LOXL2: variants seen among roughly 807,000 people sequenced by gnomAD.
The protein encoded by LOXL2 is lysyl oxidase homolog 2.
A neutral mutation model predicts 93.0 loss-of-function variants in LOXL2; 70 were observed. The observed-to-expected ratio is 0.75, with a 90% CI of 0.62 to 0.92. LOXL2 has a LOEUF of 0.92. Among genes scored for constraint, LOXL2 ranks in the 40% least tolerant of loss-of-function variants. The probability of loss-of-function intolerance (pLI) is 0.00; values close to 1 mark genes in which losing one functional copy is unlikely to be tolerated. For missense variants in LOXL2, 973 were observed against 1,054.9 expected (o/e 0.92, Z 1.08); for synonymous variants, 438 against 413.2 (o/e 1.06, Z -0.73).
chr8:23,352,015 G>A (rs942756547), intron 3 of LOXL2, among the ~76,000 whole-genome samples: 2 of 151,766 alleles, frequency 1.3e-5, no homozygotes, highest in Non-Finnish European at 2.9e-5. Flanking sequence ...GTCTCGTCAC[G>A]TTGGCCAGGC....
intron 1 of LOXL2, among the ~76,000 whole-genome samples, chr8:23,376,751 T>C (rs1011518794): frequency 1.3e-5 from 2 of 152,240 alleles, no homozygotes; most frequent in African/African-American, 4.8e-5. Context: ...TATTCTCTGA[T>C]GGTTGTTTGT....
intron 2 of LOXL2, among the ~76,000 whole-genome samples, chr8:23,360,615 G>A (rs1460792404): frequency 6.6e-6 from 1 of 152,160 alleles, no homozygotes; most frequent in African/African-American, 2.4e-5. Flanking sequence ...CCTTGGTCAA[G>A]GGCCCTTTTT....
chr8:23,389,631 C>T (rs932034230), intron 1 of LOXL2, among the ~76,000 whole-genome samples: 9 of 152,090 alleles, frequency 5.9e-5, no homozygotes, highest in African/African-American at 1.7e-4. Flanking sequence ...AAGGGGAAAA[C>T]ACATTGTAAA....
Position 23,309,892 on chromosome 8 carries a change from G to A in LOXL2, c.1656C>T (p.Leu552=), listed in dbSNP as rs1253259183. 1.3e-6 allele frequency: 2 copies of A among 1,537,748 alleles called. No individual in the cohort carries two copies. Among genetic ancestry groups the A allele is most frequent in the East Asian group, 2.5e-5 (1 of 40,214 alleles). Residue 552 remains leucine, a synonymous_variant, in exon 10 of 14, where the codon CTC becomes CTT. Transcript: ENST00000389131. ...ACSETAPDLV[L]NAEMVQQTTY... ...TGGTCTGCTGCACCATCTCCGCATT[G>A]AGGACCAGGTCAGGGGCGGCTGCGG...
In LOXL2 at chr8:23,360,290, A is replaced by G. The variant is rs1278195547; in HGVS notation, c.356-25T>C. On this transcript the variant is annotated intron_variant, in intron 2 of 13. Coordinates refer to ENST00000389131, the MANE Select transcript of LOXL2 (RefSeq NM_002318.3). Reference sequence around the variant, plus strand: ...CCTGAAGGAGGCAGAGAGGAGAGAAACCAAGTGCTGCGTCAATGCAGGTCT... The same window carrying G: ...CCTGAAGGAGGCAGAGAGGAGAGAAGCCAAGTGCTGCGTCAATGCAGGTCT... 2.6e-6 allele frequency: 4 copies of G among 1,566,900 alleles called. No individual in the cohort carries two copies. The Admixed American group carries it at 7.0e-5, about 28-fold the overall frequency.
At chr8:23,320,076 G>A (rs374109391) in intron 7 of LOXL2, 24 bp from the exon 8 acceptor site, 85 of 1,611,970 alleles carry the variant, frequency 5.3e-5, no homozygotes, top group Admixed American at 4.8e-4. Context: ...GGCAGGCCAC[G>A]GTCACCAAGA....
intron 11 of LOXL2, 131 bp downstream of exon 11, chr8:23,303,151 G>C: frequency 1.5e-6 from 1 of 688,626 alleles, no homozygotes; most frequent in Non-Finnish European, 2.6e-6. Context: ...GGAAGGTCCA[G>C]GTGGGGAAAG....
intron 4 of LOXL2, among the ~76,000 whole-genome samples, chr8:23,340,474 C>T (rs116579197): frequency 8.5e-5 from 13 of 152,332 alleles, no homozygotes; most frequent in African/African-American, 3.1e-4. Flanking sequence ...GCGATCATCA[C>T]AGTATTGTCA....
In LOXL2 at chr8:23,360,385, GCCAT is replaced by G. The variant is rs1167467782; in HGVS notation, c.356-124_356-121del. 4 of 667,382 alleles carry G rather than the reference GCCAT, an allele frequency of 6.0e-6. No homozygotes were observed. The Admixed American group carries it at 8.7e-5, about 15-fold the overall frequency. The allele number at this position is 667,382 out of a possible 1,614,324, so 41.3% of individuals were successfully genotyped here. ...TCTCTAATTTTGGCAGCTGTGTGTG[GCCAT>G]CCATTTTTATTATATTAAGATATTG... is the stretch of plus-strand genomic sequence containing the variant. On this transcript the variant is annotated intron_variant, in intron 2 of 13. Coordinates refer to ENST00000389131, the MANE Select transcript of LOXL2 (RefSeq NM_002318.3).
At chr8:23,399,735 A>AAC in intron 1 of LOXL2, among the ~76,000 whole-genome samples, 1 of 152,204 alleles carries the variant, frequency 6.6e-6, no homozygotes, top group Admixed American at 6.5e-5. Flanking sequence ...AATGGACTAA[A>AAC]ACACCTCCTA....
intron 3 of LOXL2, among the ~76,000 whole-genome samples, chr8:23,355,809 A>T (rs997907162): frequency 5.9e-5 from 9 of 151,702 alleles, no homozygotes; most frequent in African/African-American, 2.2e-4. Flanking sequence ...CGGTCTTGCC[A>T]TATTGCCCAG....
Position 23,368,399 on chromosome 8 carries a change from G to A in LOXL2, c.-48C>T, listed in dbSNP as rs1189462460. 1 of 1,533,896 alleles carries A rather than the reference G, an allele frequency of 6.5e-7. No homozygotes were observed. Among genetic ancestry groups the A allele is most frequent in the Non-Finnish European group, 9.0e-7 (1 of 1,117,088 alleles). ...CCACGAAGGGGCCCTGCGCAGCTGG[G>A]AGGGACAGGCGGGGTACAGAAGCAG... is the stretch of plus-strand genomic sequence containing the variant. On this transcript the variant is annotated 5_prime_UTR_variant, in exon 2 of 14. Coordinates refer to ENST00000389131, the MANE Select transcript of LOXL2 (RefSeq NM_002318.3).
chr8:23,368,365 C>G lies in LOXL2; in HGVS notation c.-14G>C. The G allele has an allele frequency of 6.2e-7, 1 of 1,605,476 alleles. No homozygotes were observed. The highest frequency in any genetic ancestry group is 8.5e-7 in the Non-Finnish European group (1 of 1,176,698). On this transcript the variant is annotated 5_prime_UTR_variant, in exon 2 of 14. Transcript: ENST00000389131. ...AGGCCTCTCCATCCCTGTCTTCGGG[C>G]TGATGATCCCACGAAGGGGCCCTGC...
intron 5 of LOXL2, among the ~76,000 whole-genome samples, chr8:23,329,556 G>A (rs76248903): frequency 6.6e-6 from 1 of 152,180 alleles, no homozygotes; most frequent in Admixed American, 6.5e-5. Flanking sequence ...GTGTGTGTAA[G>A]CTCACCTGCA....
At chr8:23,366,542 C>G (rs773254068) in intron 2 of LOXL2, among the ~76,000 whole-genome samples, 1 of 152,150 alleles carries the variant, frequency 6.6e-6, no homozygotes, top group East Asian at 1.9e-4. Context: ...CCAAAAGAGA[C>G]AGAGTCCTGG....
At position 23,356,697 on chromosome 8, in the gene LOXL2, G is replaced by A. The variant is rs943227829; in HGVS notation, c.531+3393C>T. Among the ~76,000 whole-genome samples, 8 of 152,158 alleles carry A rather than the reference G, an allele frequency of 5.3e-5. 1 individual carries two copies. Among genetic ancestry groups the A allele is most frequent in the Admixed American group, 1.3e-4 (2 of 15,270 alleles). Reference sequence around the variant, plus strand: ...GGGCCAGAAAGCGTCCCCCTGGCTCGTGGTCACCAGCCTGATCTGTCTGAC... The same window carrying A: ...GGGCCAGAAAGCGTCCCCCTGGCTCATGGTCACCAGCCTGATCTGTCTGAC... On this transcript the variant is annotated intron_variant, in intron 3 of 13. Coordinates refer to ENST00000389131, the MANE Select transcript of LOXL2 (RefSeq NM_002318.3).
chr8:23,301,219 G>A (rs950742990), intron 12 of LOXL2, among the ~76,000 whole-genome samples: 3 of 152,232 alleles, frequency 2.0e-5, no homozygotes, highest in Non-Finnish European at 4.4e-5. Context: ...GGGTGAGGAC[G>A]TAGGAGAGAG....
intron 1 of LOXL2, among the ~76,000 whole-genome samples, chr8:23,390,037 G>A (rs1051225575): frequency 2.0e-5 from 3 of 152,184 alleles, no homozygotes; most frequent in Non-Finnish European, 4.4e-5. Flanking sequence ...AGAATGTTCC[G>A]CTTGACATTT....
At chr8:23,338,423 G>A (rs1803830630) in intron 4 of LOXL2, among the ~76,000 whole-genome samples, 1 of 152,090 alleles carries the variant, frequency 6.6e-6, no homozygotes, top group African/African-American at 2.4e-5. Context: ...AGCGGGGTGG[G>A]GGGGCCCAAG....
Sources: allele counts gnomAD v4.1 joint callset (sites outside exome capture counted in the v4.1 genomes callset), GRCh38; gene constraint gnomAD v4.1.1; transcripts MANE v1.5; gene names NCBI Gene and HGNC (gene_info 2026-07-23, HGNC 2026-07-21).